Variants in DNM3 observed in about 807,000 individuals in gnomAD.
DNM3 encodes the protein dynamin 3, also known as dynamin-3.
A neutral mutation model predicts 101.6 loss-of-function variants in DNM3; 47 were observed. That is an observed-to-expected ratio of 0.46 (90% CI 0.37 to 0.59). The LOEUF (loss-of-function observed/expected upper bound fraction) is 0.59, where lower values mean the gene tolerates loss of function less well. DNM3 is among the 20% of genes least tolerant of loss of function. DNM3 has a pLI of 0.00. For synonymous variants in DNM3, 385 were observed against 387.9 expected (o/e 0.99, Z 0.09); for missense variants, 849 against 1,085.7 (o/e 0.78, Z 3.06).
intron 14 of DNM3, chr1:172,131,846 A>C (rs1168920428): frequency 1.9e-5 from 7 of 361,548 alleles, no homozygotes; most frequent in Non-Finnish European, 3.3e-5. Flanking sequence ...TATGGTAATT[A>C]TAGTGTTCTG....
intron 1 of DNM3, among the ~76,000 whole-genome samples, chr1:171,845,583 T>C (rs912490584): frequency 8.3e-4 from 127 of 152,340 alleles, no homozygotes; most frequent in African/African-American, 2.9e-3. Flanking sequence ...GAAGCTACTA[T>C]GTTAATGATT....
chr1:172,235,133 A>T (rs1016372689), intron 14 of DNM3, among the ~76,000 whole-genome samples: 6 of 152,162 alleles, frequency 3.9e-5, no homozygotes, highest in Non-Finnish European at 5.9e-5. Flanking sequence ...GAATCTACAA[A>T]GAACTCAAAC....
chr1:172,049,018 T>A (rs1173596793), intron 10 of DNM3, among the ~76,000 whole-genome samples: 1 of 152,236 alleles, frequency 6.6e-6, no homozygotes, highest in African/African-American at 2.4e-5. Flanking sequence ...TAAACATTAT[T>A]TCCAAACTAT....
chr1:172,365,886 A>G (rs1049049917), intron 17 of DNM3, among the ~76,000 whole-genome samples: 3 of 151,956 alleles, frequency 2.0e-5, no homozygotes, highest in Non-Finnish European at 4.4e-5. Context: ...TAATGGCTTT[A>G]AAAACTGGAT....
intron 2 of DNM3, among the ~76,000 whole-genome samples, chr1:171,971,165 T>A (rs1455226444): frequency 6.6e-6 from 1 of 152,118 alleles, no homozygotes; most frequent in Non-Finnish European, 1.5e-5. Context: ...TTGGTATGTG[T>A]TCTTATTTGC....
intron 14 of DNM3, among the ~76,000 whole-genome samples, chr1:172,170,101 A>C (rs1165832089): frequency 6.6e-6 from 1 of 151,968 alleles, no homozygotes; most frequent in Non-Finnish European, 1.5e-5. Context: ...TCAGCAGGGA[A>C]GGATTAGGCA....
intron 1 of DNM3, among the ~76,000 whole-genome samples, chr1:171,889,146 A>G (rs2037038416): frequency 6.6e-6 from 1 of 151,904 alleles, no homozygotes; most frequent in South Asian, 2.1e-4. Flanking sequence ...TGCCCGGCTA[A>G]TTTTTTTGTT....
intron 20 of DNM3, among the ~76,000 whole-genome samples, chr1:172,392,128 T>C (rs1009516047): frequency 3.3e-5 from 5 of 152,226 alleles, no homozygotes; most frequent in Admixed American, 2.0e-4. Context: ...TTGGCCCAGC[T>C]TTTCTCAGCT....
chr1:172,382,355 A>C (rs1183847839), intron 18 of DNM3, among the ~76,000 whole-genome samples: 1 of 152,182 alleles, frequency 6.6e-6, no homozygotes, highest in African/African-American at 2.4e-5. Context: ...GTTCTCCATC[A>C]AAGAATGAAG....
chr1:172,013,640 A>T (rs540886585), intron 4 of DNM3, among the ~76,000 whole-genome samples: 1 of 152,118 alleles, frequency 6.6e-6, no homozygotes, highest in Non-Finnish European at 1.5e-5. Flanking sequence ...TGGGATCCTG[A>T]TTGAGGACCC....
At chr1:172,134,968 G>T (rs1237225854) in intron 14 of DNM3, among the ~76,000 whole-genome samples, 1 of 152,134 alleles carries the variant, frequency 6.6e-6, no homozygotes, top group Non-Finnish European at 1.5e-5. Context: ...AGAGTCACAT[G>T]ATAAGATTTG....
At chr1:172,223,184 T>C (rs1043370502) in intron 14 of DNM3, among the ~76,000 whole-genome samples, 6 of 151,916 alleles carry the variant, frequency 3.9e-5, no homozygotes, top group African/African-American at 1.2e-4. Flanking sequence ...TCCTCCTGTC[T>C]AACTGTAACT....
intron 15 of DNM3, among the ~76,000 whole-genome samples, chr1:172,292,901 G>A (rs932091647): frequency 5.3e-5 from 8 of 152,158 alleles, no homozygotes; most frequent in Non-Finnish European, 1.2e-4. Context: ...CTGGCAACCA[G>A]AAATTGTAAA....
intron 14 of DNM3, among the ~76,000 whole-genome samples, chr1:172,196,789 T>C (rs946663403): frequency 2.6e-5 from 4 of 152,144 alleles, no homozygotes; most frequent in Non-Finnish European, 4.4e-5. Flanking sequence ...TTAAATTCCT[T>C]ATAGATGTTG....
chr1:172,191,056 A>G (rs186819957), intron 14 of DNM3, among the ~76,000 whole-genome samples: 2,142 of 152,130 alleles, frequency 0.014, 20 homozygotes, highest in Non-Finnish European at 0.02. Context: ...TTTTGTTGCC[A>G]TTGCTTTTGT....
At chr1:172,017,557 A>ATATTGTAT (rs2047531651) in intron 4 of DNM3, among the ~76,000 whole-genome samples, 1 of 152,144 alleles carries the variant, frequency 6.6e-6, no homozygotes, top group African/African-American at 2.4e-5. Flanking sequence ...CTGATAACAG[A>ATATTGTAT]CATTGTATGA....
intron 14 of DNM3, among the ~76,000 whole-genome samples, chr1:172,180,926 CA>C (rs2059321297): frequency 6.6e-6 from 1 of 152,026 alleles, no homozygotes; most frequent in Non-Finnish European, 1.5e-5. Context: ...TAACATTAAA[CA>C]AGAATAAATA....
At chr1:172,193,441 G>C (rs1489316972) in intron 14 of DNM3, among the ~76,000 whole-genome samples, 1 of 152,136 alleles carries the variant, frequency 6.6e-6, no homozygotes, top group African/African-American at 2.4e-5. Flanking sequence ...AATGGAACCA[G>C]CTCCTCTTTC....
At chr1:172,069,023 A>G (rs1181058582) in intron 11 of DNM3, 118 bp downstream of exon 11, 4 of 714,756 alleles carry the variant, frequency 5.6e-6, no homozygotes, top group Non-Finnish European at 9.6e-6. Flanking sequence ...AAATAGTGGA[A>G]CACAACTACA....
Sources: gnomAD v4.1 joint callset for allele counts (sites outside exome capture counted in the v4.1 genomes callset) on GRCh38, gnomAD v4.1.1 for gene constraint, MANE v1.5 for transcripts, NCBI Gene and HGNC (gene_info 2026-07-23, HGNC 2026-07-21) for gene names.